GLT8D2: variants seen among roughly 807,000 people sequenced by gnomAD.
GLT8D2 encodes the protein glycosyltransferase 8 domain-containing protein 2.
GLT8D2 carries 45 observed loss-of-function variants against 44.5 expected under a neutral mutation model. The observed-to-expected ratio is 1.01, with a 90% CI of 0.80 to 1.30. The LOEUF is 1.30. GLT8D2 is among the 50% of genes most tolerant of loss of function. The probability of loss-of-function intolerance (pLI) is 0.00; values close to 1 mark genes in which losing one functional copy is unlikely to be tolerated. For synonymous variants in GLT8D2, 156 were observed against 157.2 expected, an observed-to-expected ratio of 0.99 and a Z score of 0.06; for missense variants, 400 against 430.4, an observed-to-expected ratio of 0.93 and a Z score of 0.62.
At chr12:104,052,223 C>G (rs974554126), upstream of GLT8D2, among the ~76,000 whole-genome samples, 1 of 152,170 alleles carries the variant, frequency 6.6e-6, no homozygotes, top group Non-Finnish European at 1.5e-5. Flanking sequence ...CAGTTCCATT[C>G]TAAAGGATTT....
chr12:103,993,417 G>T lies in GLT8D2; in HGVS notation c.855C>A (p.Asn285Lys). 6.2e-7 allele frequency: 1 copy of T among 1,613,714 alleles called. No homozygotes were observed. The highest frequency in any genetic ancestry group is 8.5e-7 in the Non-Finnish European group (1 of 1,179,584). Residue 285 changes from asparagine (N) to lysine (K), a missense_variant, in exon 10 of 11, where the codon AAC becomes AAA. Physicochemically the swap from Asn to Lys is moderately conservative, Grantham distance 94 (BLOSUM62 0). Coordinates refer to ENST00000360814, the MANE Select transcript of GLT8D2 (RefSeq NM_001384711.1). Reference sequence around the variant, plus strand: ...CCAGGTGCCTTATGTGCCACAGGGGGTTAATTGTGGAATATTTCCCATGAA... The same window carrying T: ...CCAGGTGCCTTATGTGCCACAGGGGTTTAATTGTGGAATATTTCCCATGAA... ...IVFHGKYSTI[N>K]PLWHIRHLGW... is the part of the protein sequence containing the mutation.
At chr12:104,043,466 A>C (rs1365294346) in intron 1 of GLT8D2, among the ~76,000 whole-genome samples, 1 of 151,858 alleles carries the variant, frequency 6.6e-6, no homozygotes, top group Non-Finnish European at 1.5e-5. Flanking sequence ...GACTCCATTT[A>C]GTTTTTATTT....
At chr12:104,003,332 G>A (rs1248463882) in intron 4 of GLT8D2, 26 bp from the exon 5 acceptor site, 3 of 1,609,414 alleles carry the variant, frequency 1.9e-6, no homozygotes, top group Middle Eastern at 1.7e-4. Context: ...CTGGTGTCTT[G>A]GAACATGAAA....
At chr12:103,993,280 G>A (rs1163626296) in intron 10 of GLT8D2, 112 bp downstream of exon 10, 5 of 802,096 alleles carry the variant, frequency 6.2e-6, no homozygotes, top group African/African-American at 3.4e-5. Context: ...CCAGTGAGCC[G>A]AGATCACGCC....
At chr12:104,038,308 G>A (rs961794139) in intron 1 of GLT8D2, among the ~76,000 whole-genome samples, 2 of 152,156 alleles carry the variant, frequency 1.3e-5, no homozygotes, top group African/African-American at 2.4e-5. Flanking sequence ...AATCAGGCAG[G>A]AGAAAGAAAT....
At chr12:104,017,587 T>C (rs1234221041) in intron 3 of GLT8D2, among the ~76,000 whole-genome samples, 1 of 152,208 alleles carries the variant, frequency 6.6e-6, no homozygotes, top group Non-Finnish European at 1.5e-5. Context: ...TCTCCCAAAG[T>C]GCTGGAATTA....
chr12:104,014,285 G>A, intron 4 of GLT8D2: 1 of 700,744 alleles, frequency 1.4e-6, no homozygotes, highest in Non-Finnish European at 2.6e-6. Flanking sequence ...AGCCCTGGAG[G>A]TCGAGGCTGC....
At chr12:104,050,966 C>G (rs79619635), upstream of GLT8D2, among the ~76,000 whole-genome samples, 13,793 of 149,464 alleles carry the variant, frequency 0.092, 948 homozygotes, top group East Asian at 0.31. Flanking sequence ...AGGCGCCCAC[C>G]ACTACACCCA....
At chr12:104,026,848 C>T (rs1182452241) in intron 1 of GLT8D2, among the ~76,000 whole-genome samples, 1 of 152,148 alleles carries the variant, frequency 6.6e-6, no homozygotes, top group Non-Finnish European at 1.5e-5. Context: ...TTAAGTTGAT[C>T]CTTCTTAACT....
intron 4 of GLT8D2, among the ~76,000 whole-genome samples, chr12:104,005,520 T>C (rs1252171786): frequency 6.6e-6 from 1 of 151,780 alleles, no homozygotes; most frequent in African/African-American, 2.4e-5. Context: ...GACAAAGAAC[T>C]CAAACAAATT....
intron 1 of GLT8D2, among the ~76,000 whole-genome samples, chr12:104,027,635 C>A (rs1051325245): frequency 1.3e-5 from 2 of 152,122 alleles, no homozygotes; most frequent in East Asian, 3.9e-4. Context: ...TCATTTATTG[C>A]GAATTTAATT....
At chr12:104,016,516 C>G (rs2136349135) in intron 3 of GLT8D2, among the ~76,000 whole-genome samples, 1 of 151,614 alleles carries the variant, frequency 6.6e-6, no homozygotes, top group Middle Eastern at 3.4e-3. Flanking sequence ...TGCCTGTAGT[C>G]CCAGCTATTC....
chr12:104,018,136 A>AT (rs1242731162), intron 3 of GLT8D2, among the ~76,000 whole-genome samples: 2 of 151,832 alleles, frequency 1.3e-5, no homozygotes, highest in East Asian at 3.9e-4. Flanking sequence ...CACCTGGCTA[A>AT]TTTTTTGTAT....
At chr12:104,020,051 C>A (rs1299780137) in intron 2 of GLT8D2, among the ~76,000 whole-genome samples, 1 of 152,198 alleles carries the variant, frequency 6.6e-6, no homozygotes, top group Admixed American at 6.5e-5. Flanking sequence ...TCCCAAGTAG[C>A]TGGACCTACA....
At chr12:104,053,186 C>A (rs1881871471), upstream of GLT8D2, among the ~76,000 whole-genome samples, 2 of 152,200 alleles carry the variant, frequency 1.3e-5, no homozygotes, top group African/African-American at 4.8e-5. Flanking sequence ...CAATTTCCTT[C>A]ACAGATCATG....
rs1876543331 is a variant in GLT8D2, at chr12:104,016,077, T to G, written c.20-972A>C. On this transcript the variant is annotated intron_variant, in intron 3 of 10. Coordinates refer to ENST00000360814, the MANE Select transcript of GLT8D2 (RefSeq NM_001384711.1). Reference sequence around the variant, plus strand: ...CAATTTGGATGCCCTTTATTTTTTTTGCTTGTCTGATTGCTCTAGCTAGGG... The same window carrying G: ...CAATTTGGATGCCCTTTATTTTTTTGGCTTGTCTGATTGCTCTAGCTAGGG... Among the ~76,000 whole-genome samples the G allele has an allele frequency of 3.3e-5, 5 of 152,342 alleles. No homozygotes were observed. The South Asian group carries it at 8.3e-4, about 25-fold the overall frequency.
At chr12:104,060,734 G>A (rs943723500) in intron 1 of GLT8D2, among the ~76,000 whole-genome samples, 1 of 152,098 alleles carries the variant, frequency 6.6e-6, no homozygotes, top group Non-Finnish European at 1.5e-5. Context: ...ACCAGCATGG[G>A]AAACATGGTA....
At chr12:104,033,927 C>G (rs1200808229) in intron 1 of GLT8D2, among the ~76,000 whole-genome samples, 1 of 151,880 alleles carries the variant, frequency 6.6e-6, no homozygotes, top group African/African-American at 2.4e-5. Flanking sequence ...TATCAATCCT[C>G]CCACCTTGGT....
chr12:103,989,566 C>G lies in GLT8D2; in HGVS notation c.892G>C (p.Asp298His). Residue 298 changes from aspartate (D) to histidine (H), a missense_variant, in exon 11 of 11, where the codon GAT (aspartate) becomes CAT (histidine). Transcript: ENST00000360814. ...AGAAAATGCTCCGAATATCTGGCAT[C>G]TGGATTCCAGCCTTCATTGTGTATA... ...WHIRHLGWNP[D>H]ARYSEHFLQE... is the part of the protein sequence containing the mutation. 1 of 1,612,020 alleles carries G rather than the reference C, an allele frequency of 6.2e-7. No homozygotes were observed. Among genetic ancestry groups the G allele is most frequent in the Non-Finnish European group, 8.5e-7 (1 of 1,179,102 alleles).
Sources: allele counts gnomAD v4.1 joint callset (sites outside exome capture counted in the v4.1 genomes callset), GRCh38; gene constraint gnomAD v4.1.1; transcripts MANE v1.5; gene names NCBI Gene and HGNC (gene_info 2026-07-23, HGNC 2026-07-21).